Variants in MYH2 observed in about 807,000 individuals in gnomAD.
MYH2 encodes myosin-2.
A neutral mutation model predicts 228.1 loss-of-function variants in MYH2; 139 were observed. The ratio of observed to expected loss-of-function variants is 0.61; its 90% CI spans 0.53 to 0.70. The LOEUF is 0.70. Among genes scored for constraint, MYH2 ranks in the 30% least tolerant of loss-of-function variants. MYH2 has a pLI of 0.00. For synonymous variants in MYH2, 796 were observed against 871.1 expected (o/e 0.91, Z 1.52); for missense variants, 1,809 against 2,357.5 (o/e 0.77, Z 4.82).
Position 10,525,036 on chromosome 17 carries a change from G to A in MYH2, c.4692C>T (p.Ile1564=), listed in dbSNP as rs2073333584. The change falls in exon 34 of 40, where the codon ATC becomes ATT. Residue 1564 remains isoleucine (I), a synonymous_variant. Coordinates refer to ENST00000245503, the MANE Select transcript of MYH2 (RefSeq NM_017534.6). The surrounding 1 kb of genome is among the most constrained non-coding windows in gnomAD (Gnocchi z 4.2). ...GGTTCAACTCAAGCTGGATGCGCAG[G>A]ATCTTTCCCTCTTCATGTTCAAGAG... ...EASLEHEEGK[I]LRIQLELNQV... 4.3e-6 allele frequency: 7 copies of A among 1,613,914 alleles called. No homozygotes were observed. The highest frequency in any genetic ancestry group is 5.9e-6 in the Non-Finnish European group (7 of 1,180,022).
At chr17:10,521,765 T>C (rs1447429572) in intron 39 of MYH2, among the ~76,000 whole-genome samples, 1 of 152,036 alleles carries the variant, frequency 6.6e-6, no homozygotes, top group African/African-American at 2.4e-5. Flanking sequence ...ATGATGATTT[T>C]CCCTTGAGTT....
At position 10,523,473 on chromosome 17, in the gene MYH2, TAGAC is replaced by T. The variant is rs1567726739; in HGVS notation, c.5472+19_5472+22del. 3 of 1,614,182 alleles carry T rather than the reference TAGAC, an allele frequency of 1.9e-6. No homozygotes were observed. Among genetic ancestry groups the T allele is most frequent in the Non-Finnish European group, 2.5e-6 (3 of 1,180,048 alleles). On this transcript the variant is annotated intron_variant, in intron 37 of 39. Coordinates refer to ENST00000245503, the MANE Select transcript of MYH2 (RefSeq NM_017534.6). The stretch of plus-strand genomic sequence containing the variant: ...ATAAGGCACTGAAAGCAGATGGAAA[TAGAC>T]AGATATTGGGAGACCCACCCTGGCC...
intron 5 of MYH2, among the ~76,000 whole-genome samples, chr17:10,545,014 A>AGTGTGTGT (rs112057904): frequency 0.11 from 15,988 of 150,434 alleles, 1,028 homozygotes; most frequent in East Asian, 0.29. Flanking sequence ...TGCGTGCATG[A>AGTGTGTGT]GTGTGTGTGT....
chr17:10,524,732 G>A lies in MYH2; in HGVS notation c.4971+25C>T. 1 of 1,614,156 alleles carries A rather than the reference G, an allele frequency of 6.2e-7. No homozygotes were observed. Among genetic ancestry groups the A allele is most frequent in the African/African-American group, 1.3e-5 (1 of 75,034 alleles). Reference sequence around the variant, plus strand: ...GGGTTGCAGGCACCCCAATAGTCCTGGGACCATCTCTTGGACATATTTACC... The same window carrying A: ...GGGTTGCAGGCACCCCAATAGTCCTAGGACCATCTCTTGGACATATTTACC... On this transcript the variant is annotated intron_variant, in intron 34 of 39. Coordinates refer to ENST00000245503, the MANE Select transcript of MYH2 (RefSeq NM_017534.6). The surrounding 1 kb of genome is among the most constrained non-coding windows in gnomAD (Gnocchi z 4.7).
rs112394355 is a variant in MYH2, at chr17:10,543,281, G to A, written c.742-120C>T. ...TCAATTCAGAGAGTATTTGCATCAG[G>A]TAGAAAAAGGTGTATCTCCTATTTT... On this transcript the variant is annotated intron_variant, in intron 8 of 39. Coordinates refer to ENST00000245503, the MANE Select transcript of MYH2 (RefSeq NM_017534.6). 3 of 742,554 alleles carry A rather than the reference G, an allele frequency of 4.0e-6. 1 individual carries two copies. The highest frequency in any genetic ancestry group is 3.8e-5 in the South Asian group (2 of 52,208). The allele number at this position is 742,554 out of a possible 1,614,324, so 46.0% of individuals were successfully genotyped here.
At chr17:10,526,874 G>A (rs2073362484) in intron 29 of MYH2, 64 bp downstream of exon 29, 14 of 1,612,996 alleles carry the variant, frequency 8.7e-6, no homozygotes, top group East Asian at 2.2e-5. Flanking sequence ...TTGAAAGCTG[G>A]TATAACAGGC....
At chr17:10,526,105 G>C (rs1424996843) in intron 30 of MYH2, among the ~76,000 whole-genome samples, 1 of 152,046 alleles carries the variant, frequency 6.6e-6, no homozygotes, top group Admixed American at 6.6e-5. Context: ...AAGTGAGAGA[G>C]GTAAACAATA....
chr17:10,534,951 T>A (rs972331299), intron 19 of MYH2, 122 bp downstream of exon 19: 2 of 1,254,870 alleles, frequency 1.6e-6, no homozygotes, highest in African/African-American at 1.5e-5. Flanking sequence ...GACTTGTAAT[T>A]TTTTTACTTC....
At chr17:10,533,660 A>G in intron 19 of MYH2, 28 bp from the exon 20 acceptor site, 2 of 1,612,138 alleles carry the variant, frequency 1.2e-6, no homozygotes, top group Non-Finnish European at 1.7e-6. Flanking sequence ...GCTTTTAACA[A>G]CTAGTTTACT....
intron 28 of MYH2, 77 bp downstream of exon 28, chr17:10,527,671 C>G: frequency 6.2e-7 from 1 of 1,606,036 alleles, no homozygotes; most frequent in Non-Finnish European, 8.5e-7. Context: ...TATTAGGCTC[C>G]CACTTCACCA....
intron 2 of MYH2, among the ~76,000 whole-genome samples, 160 bp from the exon 3 acceptor site, chr17:10,548,100 G>A (rs947065602): frequency 1.3e-5 from 2 of 152,106 alleles, no homozygotes; most frequent in Non-Finnish European, 2.9e-5. Flanking sequence ...TCACAAGAAC[G>A]AAAATGCATC....
intron 30 of MYH2, 63 bp downstream of exon 30, chr17:10,526,536 G>A: frequency 1.0e-5 from 16 of 1,603,630 alleles, no homozygotes; most frequent in Non-Finnish European, 1.4e-5. Context: ...ATCTTCAAAG[G>A]TCATGTCTTT....
chr17:10,547,006 G>A (rs1010892113), intron 4 of MYH2, among the ~76,000 whole-genome samples: 2 of 151,842 alleles, frequency 1.3e-5, no homozygotes, highest in African/African-American at 4.8e-5. Flanking sequence ...CACAAGAATC[G>A]CTTGAACCCA....
chr17:10,532,492 C>T (rs978974481), intron 21 of MYH2, among the ~76,000 whole-genome samples: 2 of 151,990 alleles, frequency 1.3e-5, no homozygotes, highest in African/African-American at 4.8e-5. Context: ...CATATATAGA[C>T]AATTACCCAA....
rs2073490580 is a variant in MYH2, at chr17:10,537,154, A to G, written c.1897+79T>C. The G allele has an allele frequency of 5.0e-6, 8 of 1,587,446 alleles. No individual in the cohort carries two copies. The East Asian group carries it at 1.8e-4, about 35-fold the overall frequency. On this transcript the variant is annotated intron_variant, in intron 16 of 39. Transcript: ENST00000245503. This position sits in a 1 kb window ranked among gnomAD's most constrained non-coding sequence, Gnocchi z 4.0. ...GGGCTTGGTCTGCAACCCTTCTGCC[A>G]GACCTAAGAGATCACTAGCTTCAAT...
chr17:10,524,315 G>T lies in MYH2; in HGVS notation c.5175+151C>A, dbSNP rs1424930707. The T allele has an allele frequency of 1.8e-6, 2 of 1,086,858 alleles. No homozygotes were observed. The highest frequency in any genetic ancestry group is 1.6e-5 in the African/African-American group (1 of 63,358). The allele number at this position is 1,086,858 out of a possible 1,614,324, so 67.3% of individuals were successfully genotyped here. On this transcript the variant is annotated intron_variant, in intron 35 of 39. Transcript: ENST00000245503. This position sits in a 1 kb window ranked among gnomAD's most constrained non-coding sequence, Gnocchi z 4.7. ...AGTTTTTCAAAGCAAAACAGTGAAA[G>T]ATTTCTCAGTAATGCAGAATTACTA...
At chr17:10,543,012 A>C (rs754840615) in intron 9 of MYH2, 39 bp from the exon 10 acceptor site, 37 of 1,593,784 alleles carry the variant, frequency 2.3e-5, no homozygotes, top group Non-Finnish European at 3.0e-5. Context: ...AATTGTAAAA[A>C]TTCATGTGAC....
chr17:10,521,382 C>T lies in MYH2; in HGVS notation c.5724G>A (p.Glu1908=). ...CAGCCCGTTCCTCGGCCTCCTCCAGCTCATGCTGGAGCTTGCGGAATTTAG... is the reference window on the plus strand; with the variant it reads ...CAGCCCGTTCCTCGGCCTCCTCCAGTTCATGCTGGAGCTTGCGGAATTTAG... The part of the protein sequence containing the change: ...NLAKFRKLQH[E]LEEAEERADI... Residue 1908 remains glutamate (E), a synonymous_variant, in exon 40 of 40, where the codon GAG becomes GAA. Coordinates refer to ENST00000245503, the MANE Select transcript of MYH2 (RefSeq NM_017534.6). 1 of 1,614,118 alleles carries T rather than the reference C, an allele frequency of 6.2e-7. No homozygotes were observed. Among genetic ancestry groups the T allele is most frequent in the South Asian group, 1.1e-5 (1 of 91,076 alleles).
At chr17:10,548,181 T>A (rs2073659141) in intron 2 of MYH2, among the ~76,000 whole-genome samples, 1 of 152,168 alleles carries the variant, frequency 6.6e-6, no homozygotes, top group East Asian at 1.9e-4. Flanking sequence ...CCTCCAGGAC[T>A]CACATTCTCA....
Sources: allele counts gnomAD v4.1 joint callset (sites outside exome capture counted in the v4.1 genomes callset), GRCh38; gene constraint gnomAD v4.1.1; non-coding constraint Gnocchi (gnomAD v3.1); transcripts MANE v1.5; gene names NCBI Gene and HGNC (gene_info 2026-07-23, HGNC 2026-07-21).